Variants in TBC1D22A observed in about 807,000 individuals in gnomAD.
TBC1D22A encodes the protein TBC1 domain family member 22A, also known as putative GTPase activator.
TBC1D22A carries 38 observed loss-of-function variants against 60.2 expected under a neutral mutation model. That is an observed-to-expected ratio of 0.63 (90% CI 0.49 to 0.83). The LOEUF is 0.83. Ranked by LOEUF, TBC1D22A falls within the 40% of genes least tolerant of loss-of-function variation. The pLI, the probability that TBC1D22A is intolerant of heterozygous loss-of-function variation, is 0.00. For synonymous variants in TBC1D22A, 302 were observed against 281.7 expected (o/e 1.07, Z -0.72); for missense variants, 628 against 701.0 (o/e 0.90, Z 1.18).
At chr22:47,033,393 G>A (rs554523902) in intron 10 of TBC1D22A, among the ~76,000 whole-genome samples, 3 of 152,326 alleles carry the variant, frequency 2.0e-5, no homozygotes, top group African/African-American at 7.2e-5. Context: ...AGAGGAGGAC[G>A]GCCAGGCTGG....
chr22:47,100,486 C>A (rs978762379), intron 11 of TBC1D22A, among the ~76,000 whole-genome samples: 6 of 152,086 alleles, frequency 3.9e-5, no homozygotes, highest in Admixed American at 3.9e-4. Context: ...TGTGTCCCCA[C>A]CCAAATCTCA....
chr22:46,868,081 G>A (rs1257487607), intron 4 of TBC1D22A, among the ~76,000 whole-genome samples: 1 of 152,226 alleles, frequency 6.6e-6, no homozygotes, highest in Non-Finnish European at 1.5e-5. Context: ...GGGTGTTCTG[G>A]GGAGGCTGCG....
At chr22:47,171,038 C>T (rs557360051) in intron 12 of TBC1D22A, among the ~76,000 whole-genome samples, 4 of 152,284 alleles carry the variant, frequency 2.6e-5, no homozygotes, top group Middle Eastern at 3.4e-3. Context: ...GATGTGAGCC[C>T]AGGTCATCTG....
chr22:47,032,561 C>T (rs561233447), intron 10 of TBC1D22A, among the ~76,000 whole-genome samples: 2 of 152,300 alleles, frequency 1.3e-5, no homozygotes, highest in South Asian at 2.1e-4. Context: ...GTCTAAAGCT[C>T]GCCTGAAGCC....
At chr22:46,845,970 A>G (rs2086972656) in intron 4 of TBC1D22A, among the ~76,000 whole-genome samples, 1 of 152,252 alleles carries the variant, frequency 6.6e-6, no homozygotes, top group Non-Finnish European at 1.5e-5. Flanking sequence ...GGCAACAGCC[A>G]GGGCTCTGTG....
chr22:46,801,584 T>TCA (rs1479326580), intron 4 of TBC1D22A, among the ~76,000 whole-genome samples: 2 of 152,238 alleles, frequency 1.3e-5, no homozygotes, highest in African/African-American at 4.8e-5. Context: ...CTCAAGTTGG[T>TCA]CACATGTATC....
chr22:46,876,027 A>T (rs2067544591), intron 4 of TBC1D22A, among the ~76,000 whole-genome samples: 2 of 152,154 alleles, frequency 1.3e-5, no homozygotes, highest in South Asian at 4.1e-4. Context: ...GGCATCTTAG[A>T]TGTGGCAGGT....
intron 3 of TBC1D22A, among the ~76,000 whole-genome samples, chr22:46,794,816 G>C (rs1425419651): frequency 2.0e-5 from 3 of 152,162 alleles, no homozygotes; most frequent in Non-Finnish European, 2.9e-5. Flanking sequence ...TGGGAGGCAG[G>C]GGGTGAGGGG....
At chr22:46,828,399 C>G (rs1234265376) in intron 4 of TBC1D22A, among the ~76,000 whole-genome samples, 1 of 152,254 alleles carries the variant, frequency 6.6e-6, no homozygotes, top group African/African-American at 2.4e-5. Context: ...AACATGTCCA[C>G]TTGAAGAACT....
chr22:46,862,387 G>A (rs573719157), intron 4 of TBC1D22A, among the ~76,000 whole-genome samples: 57 of 152,270 alleles, frequency 3.7e-4, no homozygotes, highest in African/African-American at 1.3e-3. Flanking sequence ...TGCTGGTGGT[G>A]CAGTTGGGAG....
At chr22:47,112,031 T>C (rs1325035954) in intron 12 of TBC1D22A, among the ~76,000 whole-genome samples, 1 of 152,240 alleles carries the variant, frequency 6.6e-6, no homozygotes, top group African/African-American at 2.4e-5. Flanking sequence ...CTGGAAGCTC[T>C]GTGACTGGGG....
intron 6 of TBC1D22A, among the ~76,000 whole-genome samples, 157 bp downstream of exon 6, chr22:46,891,551 T>A (rs2068409195): frequency 6.6e-6 from 1 of 152,122 alleles, no homozygotes; most frequent in African/African-American, 2.4e-5. Context: ...AATAAATAAA[T>A]TTTAAAACAA....
At chr22:47,109,033 A>G (rs1483989389) in intron 11 of TBC1D22A, among the ~76,000 whole-genome samples, 1 of 152,218 alleles carries the variant, frequency 6.6e-6, no homozygotes. Flanking sequence ...GTTATACCTC[A>G]GGAGAGCTGT....
intron 11 of TBC1D22A, among the ~76,000 whole-genome samples, chr22:47,056,863 G>A (rs1459756389): frequency 2.0e-5 from 3 of 152,228 alleles, no homozygotes; most frequent in African/African-American, 4.8e-5. Flanking sequence ...GGAAGCTGCA[G>A]GGACAGACAC....
chr22:46,870,949 A>C (rs1028796178), intron 4 of TBC1D22A, among the ~76,000 whole-genome samples: 4 of 152,230 alleles, frequency 2.6e-5, no homozygotes, highest in African/African-American at 9.6e-5. Flanking sequence ...GGAGGGGACA[A>C]AAACATTCAA....
At chr22:46,767,074 A>C (rs1307876886) in intron 1 of TBC1D22A, among the ~76,000 whole-genome samples, 1 of 152,148 alleles carries the variant, frequency 6.6e-6, no homozygotes, top group East Asian at 1.9e-4. Flanking sequence ...CAGGGCTATA[A>C]ACTGCAGGAG....
intron 1 of TBC1D22A, among the ~76,000 whole-genome samples, chr22:46,785,566 C>G (rs1251075480): frequency 6.6e-6 from 1 of 152,190 alleles, no homozygotes; most frequent in Non-Finnish European, 1.5e-5. Flanking sequence ...TTTATTGCCT[C>G]TAGAAAACCT....
chr22:47,136,474 A>G (rs547227416), intron 12 of TBC1D22A, among the ~76,000 whole-genome samples: 16 of 152,346 alleles, frequency 1.1e-4, no homozygotes, highest in African/African-American at 3.8e-4. Context: ...GTGTGAAATA[A>G]CAGTGTAAAT....
At chr22:46,931,530 A>C (rs902733043) in intron 8 of TBC1D22A, among the ~76,000 whole-genome samples, 1 of 152,244 alleles carries the variant, frequency 6.6e-6, no homozygotes, top group African/African-American at 2.4e-5. Context: ...GAGTAATTCA[A>C]ACCAGCACCT....
Sources: gnomAD v4.1 joint callset for allele counts (sites outside exome capture counted in the v4.1 genomes callset) on GRCh38, gnomAD v4.1.1 for gene constraint, MANE v1.5 for transcripts, NCBI Gene and HGNC (gene_info 2026-07-23, HGNC 2026-07-21) for gene names.